BZW2: variants seen among roughly 807,000 people sequenced by gnomAD.
BZW2 encodes the protein basic leucine zipper and W2 domains 2.
Under a neutral mutation model 53.2 loss-of-function variants are expected in BZW2, and 23 were observed. The observed-to-expected ratio is 0.43, with a 90% CI of 0.31 to 0.61. The LOEUF (loss-of-function observed/expected upper bound fraction) is 0.61, where lower values mean the gene tolerates loss of function less well. Among genes scored for constraint, BZW2 ranks in the 20% least tolerant of loss-of-function variants. BZW2 has a pLI of 0.09. For synonymous variants in BZW2, 227 were observed against 186.4 expected (o/e 1.22, Z -1.77); for missense variants, 409 against 503.1 (o/e 0.81, Z 1.79).
At chr7:16,690,047 A>C (rs1783253120) in intron 7 of BZW2, 141 bp downstream of exon 7, 3 of 474,370 alleles carry the variant, frequency 6.3e-6, no homozygotes, top group Non-Finnish European at 1.1e-5. Context: ...TGTAATTGGT[A>C]GTAGAAGCTA....
intron 3 of BZW2, among the ~76,000 whole-genome samples, chr7:16,675,686 T>C (rs2128359130): frequency 6.6e-6 from 1 of 152,304 alleles, no homozygotes; most frequent in Non-Finnish European, 1.5e-5. Context: ...ATTATGACTG[T>C]AAATAATTCA....
intron 1 of BZW2, chr7:16,662,329 TATC>T (rs1025201432): frequency 2.6e-5 from 4 of 152,200 alleles, no homozygotes; most frequent in African/African-American, 9.6e-5. Context: ...GTTTACATGT[TATC>T]ATGTGTTTCT....
intron 1 of BZW2, among the ~76,000 whole-genome samples, chr7:16,663,422 C>G (rs1450981831): frequency 6.6e-6 from 1 of 152,014 alleles, no homozygotes; most frequent in African/African-American, 2.4e-5. Flanking sequence ...ATTTCTCAAG[C>G]CATGTAATTA....
intron 10 of BZW2, among the ~76,000 whole-genome samples, chr7:16,702,354 C>T (rs967189760): frequency 6.6e-6 from 1 of 152,116 alleles, no homozygotes; most frequent in African/African-American, 2.4e-5. Flanking sequence ...TTCTCTGGTA[C>T]TAGAAGTTTG....
chr7:16,656,546 C>T (rs1227484916), intron 1 of BZW2, among the ~76,000 whole-genome samples: 4 of 112,846 alleles, frequency 3.5e-5, no homozygotes, highest in South Asian at 3.1e-4. Context: ...CACTCCCCAG[C>T]GCGCGCGCGC....
chr7:16,655,158 C>G (rs953979910), intron 1 of BZW2, among the ~76,000 whole-genome samples: 1 of 152,150 alleles, frequency 6.6e-6, no homozygotes, highest in Admixed American at 6.5e-5. Flanking sequence ...ATTAAATCCT[C>G]TATCAAACAA....
intron 1 of BZW2, among the ~76,000 whole-genome samples, chr7:16,660,087 G>T (rs1053996216): frequency 6.6e-6 from 1 of 151,676 alleles, no homozygotes; most frequent in Non-Finnish European, 1.5e-5. Flanking sequence ...GCGGTGTTTG[G>T]TTTTTTGTCC....
At chr7:16,670,852 C>G (rs937827223) in intron 2 of BZW2, among the ~76,000 whole-genome samples, 1 of 152,132 alleles carries the variant, frequency 6.6e-6, no homozygotes, top group Non-Finnish European at 1.5e-5. Flanking sequence ...CTTTTTATCT[C>G]TTGTTCATGA....
At position 16,689,813 on chromosome 7, in the gene BZW2, T is replaced by A. The variant is rs1783245455; in HGVS notation, c.558T>A (p.Phe186Leu). 6.2e-7 allele frequency: 1 copy of A among 1,607,820 alleles called. No homozygotes were observed. ...TTTCAACAGGCATTGCGGCCTCATT[T>A]GCTGTCAAGCTTTTCAAAGCATGGA... ...SLVKEGIAAS[F>L]AVKLFKAWMA... Residue 186 changes from phenylalanine (F) to leucine (L), a missense_variant, in exon 7 of 12, where the codon TTT (phenylalanine) becomes TTA (leucine). This residue lies in a region of BZW2 where 316 missense variants were observed against 366.8 expected (regional missense o/e 0.86). Coordinates refer to ENST00000258761, the MANE Select transcript of BZW2 (RefSeq NM_014038.3).
At chr7:16,674,703 T>C (rs1782715808) in intron 3 of BZW2, 115 bp downstream of exon 3, 8 of 956,498 alleles carry the variant, frequency 8.4e-6, no homozygotes, top group Non-Finnish European at 9.9e-6. Flanking sequence ...TTAATAAAAA[T>C]ACAAATGGAA....
intron 2 of BZW2, among the ~76,000 whole-genome samples, chr7:16,666,483 A>G (rs911935605): frequency 6.7e-6 from 1 of 148,352 alleles, no homozygotes; most frequent in East Asian, 2.0e-4. Flanking sequence ...GCTCACTGCA[A>G]CCTCCTCCTC....
chr7:16,698,860 A>C (rs1291273629), intron 10 of BZW2, among the ~76,000 whole-genome samples: 1 of 152,224 alleles, frequency 6.6e-6, no homozygotes, highest in Non-Finnish European at 1.5e-5. Context: ...GGAACACTTA[A>C]GAAGTGGTAC....
In BZW2 at chr7:16,671,717, G is replaced by C. The variant is rs1782605191; in HGVS notation, c.59-2695G>C. Among the ~76,000 whole-genome samples, 3 of 152,088 alleles carry C rather than the reference G, an allele frequency of 2.0e-5. No homozygotes were observed. The South Asian group carries it at 6.2e-4, about 31-fold the overall frequency. Reference sequence around the variant, plus strand: ...AGGCCAAGGCAGGTGGATCTTTTGAGGCCAAGAGTTTGAGACCAGCCTATG... The same window carrying C: ...AGGCCAAGGCAGGTGGATCTTTTGACGCCAAGAGTTTGAGACCAGCCTATG... On this transcript the variant is annotated intron_variant, in intron 2 of 11. Transcript: ENST00000258761.
At chr7:16,688,747 A>G (rs1411138168) in intron 6 of BZW2, among the ~76,000 whole-genome samples, 2 of 152,226 alleles carry the variant, frequency 1.3e-5, no homozygotes, top group Non-Finnish European at 2.9e-5. Flanking sequence ...AAGTGTTCAT[A>G]GAACTGTCTT....
intron 1 of BZW2, among the ~76,000 whole-genome samples, chr7:16,665,079 A>C (rs1782381017): frequency 6.6e-6 from 1 of 152,226 alleles, no homozygotes; most frequent in Non-Finnish European, 1.5e-5. Context: ...TGTGAGGCCA[A>C]GGTGGGTGGA....
At chr7:16,668,368 G>C (rs1441391054) in intron 2 of BZW2, among the ~76,000 whole-genome samples, 2 of 152,318 alleles carry the variant, frequency 1.3e-5, no homozygotes, top group East Asian at 1.9e-4. Context: ...CTGTTGGAGT[G>C]CTCAGGGAGA....
chr7:16,656,860 C>G (rs1782138132), intron 1 of BZW2, among the ~76,000 whole-genome samples: 1 of 152,088 alleles, frequency 6.6e-6, no homozygotes, highest in Admixed American at 6.5e-5. Flanking sequence ...TTATTTGGGT[C>G]CTCAAATTGC....
In BZW2 at chr7:16,654,854, G is replaced by A. The variant is rs1258542365; in HGVS notation, c.-8+8566G>A. 4.6e-5 allele frequency among the ~76,000 whole-genome samples: 7 copies of A among 152,000 alleles called. No homozygotes were observed. In the East Asian group the frequency reaches 1.3e-3, roughly 29 times the overall value. ...GTGCCCAGCCTGTATACTATACTGTGTTTAAGTGTGAACAGTGGTCATTAC... is the reference window on the plus strand; with the variant it reads ...GTGCCCAGCCTGTATACTATACTGTATTTAAGTGTGAACAGTGGTCATTAC... On this transcript the variant is annotated intron_variant, in intron 1 of 11. Coordinates refer to ENST00000258761, the MANE Select transcript of BZW2 (RefSeq NM_014038.3).
chr7:16,698,235 T>C, intron 10 of BZW2, 49 bp downstream of exon 10: 1 of 1,609,172 alleles, frequency 6.2e-7, no homozygotes, highest in Middle Eastern at 1.7e-4. Context: ...GCTGAAGCTC[T>C]TTGAGAGGCA....
Sources: gnomAD v4.1 joint callset for allele counts (sites outside exome capture counted in the v4.1 genomes callset) on GRCh38, gnomAD v4.1.1 for gene constraint, gnomAD v4.1.1 regional missense constraint, MANE v1.5 for transcripts, NCBI Gene and HGNC (gene_info 2026-07-23, HGNC 2026-07-21) for gene names.